The following GPHN variants were observed in gnomAD, a reference collection of about 807,000 sequenced individuals.
GPHN encodes the protein gephyrin.
In GPHN, 17 loss-of-function variants were observed where a neutral mutation model predicts 95.5. The observed-to-expected ratio is 0.18, with a 90% CI of 0.12 to 0.27. The LOEUF is 0.27. GPHN is among the 10% of genes least tolerant of loss of function. The pLI is 1.00. For synonymous variants in GPHN, 320 were observed against 322.5 expected (o/e 0.99, Z 0.08); for missense variants, 660 against 978.1 (o/e 0.67, Z 4.34).
chr14:66,643,547 A>C (rs2064559940), intron 1 of GPHN, among the ~76,000 whole-genome samples: 1 of 152,146 alleles, frequency 6.6e-6, no homozygotes, highest in Non-Finnish European at 1.5e-5. Context: ...CTGTACAATG[A>C]GAATGAACAG....
chr14:66,879,639 G>T (rs2063835288), intron 4 of GPHN, among the ~76,000 whole-genome samples: 1 of 152,018 alleles, frequency 6.6e-6, no homozygotes, highest in Admixed American at 6.6e-5. Context: ...GCAATCTGAG[G>T]CCACATTTTT....
In GPHN at chr14:67,011,118, A is replaced by G. The variant is rs571020650; in HGVS notation, c.964-12515A>G. Among the ~76,000 whole-genome samples, 5 of 152,318 alleles carry G rather than the reference A, an allele frequency of 3.3e-5. No individual in the cohort carries two copies. The East Asian group carries it at 5.8e-4, about 18-fold the overall frequency. ...TTTCAAATGTTATATATAGTAAACA[A>G]CAGATAATATAACAAACACCCATTT... On this transcript the variant is annotated intron_variant, in intron 9 of 22. Coordinates refer to ENST00000478722, the MANE Select transcript of GPHN (RefSeq NM_020806.5).
intron 1 of GPHN, among the ~76,000 whole-genome samples, chr14:66,550,813 T>G (rs530109839): frequency 4.6e-5 from 7 of 152,270 alleles, no homozygotes; most frequent in Non-Finnish European, 1.0e-4. Context: ...CACTGATGGC[T>G]TGGAGGATGG....
chr14:66,736,484 C>T (rs1217987492), intron 2 of GPHN, among the ~76,000 whole-genome samples: 4 of 150,412 alleles, frequency 2.7e-5, no homozygotes, highest in African/African-American at 7.3e-5. Context: ...CTGCAGCTTC[C>T]GCCTCCTGGG....
chr14:67,382,396 T>C, the GPHN span: 1 of 1,515,262 alleles, frequency 6.6e-7, no homozygotes, highest in Non-Finnish European at 9.0e-7. Flanking sequence ...TCCTAATAGT[T>C]GTGGGTTCTG....
At chr14:67,228,946 C>T in the GPHN span, among the ~76,000 whole-genome samples, 1 of 152,040 alleles carries the variant, frequency 6.6e-6, no homozygotes, top group Non-Finnish European at 1.5e-5. Flanking sequence ...ACAGACAGTC[C>T]CCATCCAGAG....
the GPHN span, chr14:67,374,540 C>G: frequency 1.2e-5 from 19 of 1,604,576 alleles, no homozygotes; most frequent in Middle Eastern, 3.3e-4. Context: ...TTCACAAAAT[C>G]CAAAACTGTA....
At chr14:67,558,639 AAAAGG>A in the GPHN span, among the ~76,000 whole-genome samples, 1 of 152,212 alleles carries the variant, frequency 6.6e-6, no homozygotes, top group Admixed American at 6.5e-5. Flanking sequence ...CTCATAAAAG[AAAAGG>A]CACTGTTTTG....
the GPHN span, among the ~76,000 whole-genome samples, chr14:67,382,908 C>CGTGT: frequency 3.6e-3 from 516 of 144,202 alleles, 5 homozygotes; most frequent in East Asian, 0.04. Flanking sequence ...TGCGTGCGTG[C>CGTGT]GTGTGTGTGT....
the GPHN span, among the ~76,000 whole-genome samples, chr14:67,568,802 T>C: frequency 1.3e-5 from 2 of 152,162 alleles, no homozygotes; most frequent in Non-Finnish European, 2.9e-5. Flanking sequence ...AACAGTTTAC[T>C]GACCCATCTT....
intron 3 of GPHN, among the ~76,000 whole-genome samples, chr14:66,787,518 C>T (rs929153557): frequency 6.6e-6 from 1 of 152,016 alleles, no homozygotes; most frequent in African/African-American, 2.4e-5. Context: ...AAACCTAGAA[C>T]AGCTAAGACA....
At chr14:67,420,817 A>C in the GPHN span, among the ~76,000 whole-genome samples, 2 of 152,360 alleles carry the variant, frequency 1.3e-5, no homozygotes, top group African/African-American at 4.8e-5. Flanking sequence ...AAAGATCCCA[A>C]ATTGAGGTCT....
In GPHN at chr14:67,179,618, A is replaced by G. The variant is rs1243026464; in HGVS notation, c.2120A>G (p.His707Arg). Residue 707 changes from histidine to arginine, a missense_variant, in exon 22 of 23, where the codon CAT (histidine) becomes CGT (arginine). Transcript: ENST00000478722. ...DVKLDPRPEYHRCILTWHHQE... is the reference protein window; with the variant it reads ...DVKLDPRPEYRRCILTWHHQE... Reference sequence around the variant, plus strand: ...AAACTTGATCCTCGTCCAGAATACCATCGGTGTATACTAACTTGGCATCAC... The same window carrying G: ...AAACTTGATCCTCGTCCAGAATACCGTCGGTGTATACTAACTTGGCATCAC... The G allele has an allele frequency of 6.2e-7, 1 of 1,609,372 alleles. No homozygotes were observed. Among genetic ancestry groups the G allele is most frequent in the Non-Finnish European group, 8.5e-7 (1 of 1,175,820 alleles).
chr14:67,549,479 C>T, the GPHN span, among the ~76,000 whole-genome samples: 3 of 152,118 alleles, frequency 2.0e-5, no homozygotes, highest in Admixed American at 1.3e-4. Context: ...CCATGTTGGC[C>T]AGGCTGGTCT....
At chr14:66,756,729 A>G (rs1424390773) in intron 2 of GPHN, among the ~76,000 whole-genome samples, 1 of 152,232 alleles carries the variant, frequency 6.6e-6, no homozygotes, top group Non-Finnish European at 1.5e-5. Flanking sequence ...ATTAAGATAC[A>G]TATAATTGTC....
At chr14:67,695,779 G>A in the GPHN span, 1 of 1,393,404 alleles carries the variant, frequency 7.2e-7, no homozygotes, top group Non-Finnish European at 1.0e-6. Context: ...TTCTAGACAC[G>A]CCCCAATTCA....
chr14:67,033,478 C>T (rs1246609133), intron 10 of GPHN, among the ~76,000 whole-genome samples: 3 of 151,842 alleles, frequency 2.0e-5, no homozygotes, highest in African/African-American at 7.3e-5. Flanking sequence ...GCAAAAGAAT[C>T]GCTTGAACCC....
the GPHN span, chr14:67,224,983 A>G: frequency 1.4e-6 from 1 of 723,006 alleles, no homozygotes; most frequent in Non-Finnish European, 2.2e-6. Flanking sequence ...ACATAATCTG[A>G]ATTTAATATT....
intron 11 of GPHN, 49 bp downstream of exon 11, chr14:67,058,835 A>G (rs537920835): frequency 2.0e-6 from 3 of 1,511,798 alleles, no homozygotes; most frequent in South Asian, 1.1e-5. Context: ...TTTTTTTCCA[A>G]ATAAGATTCA....
Sources: allele counts gnomAD v4.1 joint callset (sites outside exome capture counted in the v4.1 genomes callset), GRCh38; gene constraint gnomAD v4.1.1; transcripts MANE v1.5; gene names NCBI Gene and HGNC (gene_info 2026-07-23, HGNC 2026-07-21).